Variants in WNT11 observed in about 807,000 individuals in gnomAD.
The protein encoded by WNT11 is protein Wnt-11.
In WNT11, 20 loss-of-function variants were observed where a neutral mutation model predicts 35.6. That is an observed-to-expected ratio of 0.56 (90% CI 0.40 to 0.82). WNT11 has a LOEUF of 0.82. Among genes scored for constraint, WNT11 ranks in the 40% least tolerant of loss-of-function variants. The pLI is 0.00. For missense variants in WNT11, 459 were observed against 504.4 expected (o/e 0.91, Z 0.86); for synonymous variants, 200 against 211.9 (o/e 0.94, Z 0.49).
At chr11:76,202,307 G>C (rs558205218) in intron 1 of WNT11, among the ~76,000 whole-genome samples, 21 of 152,298 alleles carry the variant, frequency 1.4e-4, no homozygotes, top group African/African-American at 5.1e-4. Flanking sequence ...AGGGCTGCGG[G>C]CTGGCTTAGG....
At position 76,196,598 on chromosome 11, in the gene WNT11, C is replaced by T. The variant is rs537521900; in HGVS notation, c.204G>A (p.Thr68=). The part of the protein sequence containing the change: ...LCRSNLELMH[T]VVHAAREVMK... ...TGACCTCGCGGGCGGCGTGCACCACCGTGTGCATGAGCTCCAGGTTGCTGC... is the reference window on the plus strand; with the variant it reads ...TGACCTCGCGGGCGGCGTGCACCACTGTGTGCATGAGCTCCAGGTTGCTGC... Residue 68 remains threonine (T), a synonymous_variant, in exon 2 of 5, where the codon ACG becomes ACA. Transcript: ENST00000322563. 2.2e-5 allele frequency: 36 copies of T among 1,613,644 alleles called. No homozygotes were observed. The highest frequency in any genetic ancestry group is 1.8e-4 in the Admixed American group (11 of 60,026).
Position 76,194,494 on chromosome 11 carries a change from G to A in WNT11, c.597+73C>T, listed in dbSNP as rs1953239542. 3 of 1,478,912 alleles carry A rather than the reference G, an allele frequency of 2.0e-6. No individual in the cohort carries two copies. Among genetic ancestry groups the A allele is most frequent in the South Asian group, 1.4e-5 (1 of 73,232 alleles). The allele number at this position is 1,478,912 out of a possible 1,614,324, so 91.6% of individuals were successfully genotyped here. A position where few individuals can be genotyped will look rare whatever the true frequency, so the allele number is the denominator to read the frequency against. On this transcript the variant is annotated intron_variant, in intron 3 of 4. Coordinates refer to ENST00000322563, the MANE Select transcript of WNT11 (RefSeq NM_004626.3). This position sits in a 1 kb window ranked among gnomAD's most constrained non-coding sequence, Gnocchi z 5.4. ...TCCCCCCGCACCCCCCACCACTGGGGCAAGCTGGGTGGCCCTTTTCTGGCC... is the reference window on the plus strand; with the variant it reads ...TCCCCCCGCACCCCCCACCACTGGGACAAGCTGGGTGGCCCTTTTCTGGCC...
upstream of WNT11, chr11:76,206,597 C>A: frequency 8.6e-7 from 1 of 1,165,302 alleles, no homozygotes; most frequent in Non-Finnish European, 1.1e-6. Flanking sequence ...CCCGGGGAGG[C>A]CGAGCGCGGC....
At chr11:76,204,123 G>A (rs901605153) in intron 1 of WNT11, among the ~76,000 whole-genome samples, 1 of 152,188 alleles carries the variant, frequency 6.6e-6, no homozygotes, top group Non-Finnish European at 1.5e-5. Flanking sequence ...CCATGTGTGT[G>A]TAGACATATA....
chr11:76,187,161 G>A lies in WNT11; in HGVS notation c.969C>T (p.Asp323=). The change falls in exon 5 of 5, where the codon GAC becomes GAT. Residue 323 remains aspartate, a synonymous_variant. Transcript: ENST00000322563. Reference sequence around the variant, plus strand: ...TACAGTGGCACCGCTCGACCACGCGGTCTGTGTAGGGGTTGTAGCCACGCC... The same window carrying A: ...TACAGTGGCACCGCTCGACCACGCGATCTGTGTAGGGGTTGTAGCCACGCC... ...CCGRGYNPYT[D]RVVERCHCKY... 6.2e-7 allele frequency: 1 copy of A among 1,611,684 alleles called. No homozygotes were observed.
At chr11:76,195,265 A>G (rs1489298079) in intron 2 of WNT11, among the ~76,000 whole-genome samples, 1 of 152,232 alleles carries the variant, frequency 6.6e-6, no homozygotes, top group Admixed American at 6.5e-5. Flanking sequence ...CTGTGAGCAT[A>G]ATCTTATGAC....
intron 4 of WNT11, 66 bp downstream of exon 4, chr11:76,191,498 C>T: frequency 6.5e-7 from 1 of 1,548,010 alleles, no homozygotes. Context: ...GTGCGTGACC[C>T]TGAGCTGGGG....
Position 76,191,875 on chromosome 11 carries a change from G to C in WNT11, c.598-19C>G. On this transcript the variant is annotated intron_variant, in intron 3 of 4. Coordinates refer to ENST00000322563, the MANE Select transcript of WNT11 (RefSeq NM_004626.3). ...GCAGAGCCTGCGGACAGGGGAAGGC[G>C]TCAGCTGGGTGGCCAGAGTCCCCTC... is the stretch of plus-strand genomic sequence containing the variant. 1 of 1,583,636 alleles carries C rather than the reference G, an allele frequency of 6.3e-7. No individual in the cohort carries two copies. The highest frequency in any genetic ancestry group is 1.7e-5 in the Admixed American group (1 of 59,546).
At position 76,189,613 on chromosome 11, in the gene WNT11, C is replaced by T. The variant is rs567358915; in HGVS notation, c.890+1951G>A. Among the ~76,000 whole-genome samples the T allele has an allele frequency of 4.4e-4, 67 of 152,308 alleles. No homozygotes were observed. In the South Asian group the frequency reaches 7.5e-3, roughly 17 times the overall value. ...TTTCACAGTTCACCAGGCTCACTTACACCCAACCCCCAACCTCATCATCAA... is the reference window on the plus strand; with the variant it reads ...TTTCACAGTTCACCAGGCTCACTTATACCCAACCCCCAACCTCATCATCAA... On this transcript the variant is annotated intron_variant, in intron 4 of 4. Transcript: ENST00000322563.
Position 76,186,778 on chromosome 11 carries a change from A to G in WNT11, c.*287T>C. On this transcript the variant is annotated 3_prime_UTR_variant, in exon 5 of 5. Coordinates refer to ENST00000322563, the MANE Select transcript of WNT11 (RefSeq NM_004626.3). ...GGTCAAGTCTGTATCAGTCTCACCG[A>G]TCCCAAGCCCCGCTCCTTACACCAG... The G allele has an allele frequency of 1.9e-6, 1 of 540,122 alleles. No homozygotes were observed. Among genetic ancestry groups the G allele is most frequent in the Non-Finnish European group, 3.5e-6 (1 of 282,066 alleles). 33.5% of individuals were successfully genotyped at this position (540,122 alleles called of 1,614,324 possible).
intron 1 of WNT11, among the ~76,000 whole-genome samples, chr11:76,197,600 A>T (rs1235508134): frequency 6.6e-6 from 1 of 152,000 alleles, no homozygotes; most frequent in Non-Finnish European, 1.5e-5. Context: ...TTAAAATTCA[A>T]CTCAGGGAGT....
chr11:76,193,823 G>T (rs1378556251), intron 3 of WNT11, among the ~76,000 whole-genome samples: 1 of 152,192 alleles, frequency 6.6e-6, no homozygotes, highest in East Asian at 1.9e-4. Flanking sequence ...CTGGCCAAGT[G>T]GCCATCCCTG....
chr11:76,205,319 C>T (rs986912105), intron 1 of WNT11, among the ~76,000 whole-genome samples: 4 of 151,670 alleles, frequency 2.6e-5, no homozygotes, highest in African/African-American at 7.3e-5. Context: ...GTCTTATCTG[C>T]AGGCTCCCTG....
In WNT11 at chr11:76,196,405, C is replaced by T. The variant is rs549397733; in HGVS notation, c.319+78G>A. On this transcript the variant is annotated intron_variant, in intron 2 of 4. Coordinates refer to ENST00000322563, the MANE Select transcript of WNT11 (RefSeq NM_004626.3). ...CCACCCACCCATGAACCCATCCCTC[C>T]ATCTAAACACACACAGATTGATGCC... The T allele has an allele frequency of 5.9e-6, 9 of 1,525,848 alleles. No homozygotes were observed. In the Admixed American group the frequency reaches 1.4e-4, roughly 23 times the overall value. The allele number at this position is 1,525,848 out of a possible 1,614,324, so 94.5% of individuals were successfully genotyped here. A position where few individuals can be genotyped will look rare whatever the true frequency, so the allele number is the denominator to read the frequency against.
chr11:76,187,217 C>T lies in WNT11; in HGVS notation c.913G>A (p.Gly305Arg), dbSNP rs752714038. 8.7e-6 allele frequency: 14 copies of T among 1,604,384 alleles called. No homozygotes were observed. Among genetic ancestry groups the T allele is most frequent in the South Asian group, 3.3e-5 (3 of 91,078 alleles). Reference sequence around the variant, plus strand: ...CACATAAGGTCGCAGCTGTCGCTTCCGTTGGATGTCTTGTTGCACTGCCTA... The same window carrying T: ...CACATAAGGTCGCAGCTGTCGCTTCTGTTGGATGTCTTGTTGCACTGCCTA... Reference protein sequence around the residue: ...QDRQCNKTSNGSDSCDLMCCG... With the variant: ...QDRQCNKTSNRSDSCDLMCCG... Residue 305 changes from glycine (G) to arginine (R), a missense_variant, in exon 5 of 5, where the codon GGA becomes AGA. By Grantham distance (125) the Gly-to-Arg change is moderately radical. Transcript: ENST00000322563.
intron 4 of WNT11, among the ~76,000 whole-genome samples, chr11:76,189,928 C>A (rs1953156087): frequency 1.3e-5 from 2 of 152,174 alleles, no homozygotes; most frequent in Admixed American, 1.3e-4. Context: ...GACCGGGAGC[C>A]GCAAGGCAGG....
rs576368107 is a variant in WNT11 at position 76,190,042 on chromosome 11, C to T, written c.890+1522G>A. 5.7e-4 allele frequency among the ~76,000 whole-genome samples: 76 copies of T among 133,648 alleles called. 1 individual carries two copies. Among genetic ancestry groups the T allele is most frequent in the Middle Eastern group, 4.2e-3 (1 of 238 alleles). The allele number at this position is 133,648 out of a possible 152,430, so 87.7% of individuals were successfully genotyped here. A position where few individuals can be genotyped will look rare whatever the true frequency, so the allele number is the denominator to read the frequency against. On this transcript the variant is annotated intron_variant, in intron 4 of 4. Coordinates refer to ENST00000322563, the MANE Select transcript of WNT11 (RefSeq NM_004626.3). ...AGCTGGGAGAGAGGGGCCTGGCAGCCTGAGGGCACGGGGGAGGGGAGACTG... is the reference window on the plus strand; with the variant it reads ...AGCTGGGAGAGAGGGGCCTGGCAGCTTGAGGGCACGGGGGAGGGGAGACTG...
Position 76,194,489 on chromosome 11 carries a change from C to A in WNT11, c.597+78G>T. 1 of 1,451,128 alleles carries A rather than the reference C, an allele frequency of 6.9e-7. No homozygotes were observed. Among genetic ancestry groups the A allele is most frequent in the Non-Finnish European group, 9.1e-7 (1 of 1,097,492 alleles). 89.9% of individuals were successfully genotyped at this position (1,451,128 alleles called of 1,614,324 possible). ...GCCCGTCCCCCCGCACCCCCCACCA[C>A]TGGGGCAAGCTGGGTGGCCCTTTTC... On this transcript the variant is annotated intron_variant, in intron 3 of 4. Transcript: ENST00000322563. This position sits in a 1 kb window ranked among gnomAD's most constrained non-coding sequence, Gnocchi z 5.4.
chr11:76,193,885 G>A (rs536534641), intron 3 of WNT11, among the ~76,000 whole-genome samples: 1 of 152,164 alleles, frequency 6.6e-6, no homozygotes, highest in South Asian at 2.1e-4. Flanking sequence ...GGGCCTGCCC[G>A]AGTTGTTCTG....
Sources: allele counts gnomAD v4.1 joint callset (sites outside exome capture counted in the v4.1 genomes callset), GRCh38; gene constraint gnomAD v4.1.1; non-coding constraint Gnocchi (gnomAD v3.1); transcripts MANE v1.5; gene names NCBI Gene and HGNC (gene_info 2026-07-23, HGNC 2026-07-21).